The following LHFPL3 variants were observed in gnomAD, a reference collection of about 807,000 sequenced individuals.
LHFPL3 encodes LHFPL tetraspan subfamily member 3, also known as LHFPL tetraspan subfamily member 3 protein.
A neutral mutation model predicts 19.3 loss-of-function variants in LHFPL3; 5 were observed. The ratio of observed to expected loss-of-function variants is 0.26; its 90% CI spans 0.14 to 0.54. The LOEUF is 0.54. Among genes scored for constraint, LHFPL3 ranks in the 20% least tolerant of loss-of-function variants. LHFPL3 has a pLI of 0.94. For synonymous variants in LHFPL3, 133 were observed against 126.2 expected, an observed-to-expected ratio of 1.05 and a Z score of -0.36; for missense variants, 249 against 307.4, an observed-to-expected ratio of 0.81 and a Z score of 1.42.
intron 1 of LHFPL3, among the ~76,000 whole-genome samples, chr7:104,446,532 T>C (rs746525946): frequency 2.0e-5 from 3 of 152,142 alleles, no homozygotes; most frequent in Non-Finnish European, 2.9e-5. Flanking sequence ...TATTTTATGT[T>C]TCATAGATTT....
chr7:104,387,939 TC>T (rs1199017206), intron 1 of LHFPL3, among the ~76,000 whole-genome samples: 1 of 152,140 alleles, frequency 6.6e-6, no homozygotes, highest in Admixed American at 6.6e-5. Context: ...CTCCTCCTCC[TC>T]CCACCTTCCA....
At chr7:104,841,884 A>G (rs1436772523) in intron 2 of LHFPL3, among the ~76,000 whole-genome samples, 2 of 152,074 alleles carry the variant, frequency 1.3e-5, no homozygotes, top group African/African-American at 4.8e-5. Context: ...TCTCAGGGCA[A>G]ATAAGTTTCT....
At chr7:104,565,954 G>C (rs921779769) in intron 1 of LHFPL3, among the ~76,000 whole-genome samples, 1 of 151,998 alleles carries the variant, frequency 6.6e-6, no homozygotes, top group Non-Finnish European at 1.5e-5. Context: ...TAAGGCCCAC[G>C]GCCAGCCATT....
At chr7:104,686,071 A>G (rs1562965492) in intron 1 of LHFPL3, among the ~76,000 whole-genome samples, 1 of 152,262 alleles carries the variant, frequency 6.6e-6, no homozygotes, top group African/African-American at 2.4e-5. Context: ...TGAAAGAACT[A>G]TAAATAATCT....
intron 1 of LHFPL3, among the ~76,000 whole-genome samples, chr7:104,470,806 G>A (rs904333253): frequency 1.3e-5 from 2 of 152,078 alleles, no homozygotes; most frequent in Admixed American, 6.5e-5. Context: ...CTTTCTCTTC[G>A]CAATAGGTCC....
At chr7:104,555,248 A>T (rs1794741825) in intron 1 of LHFPL3, among the ~76,000 whole-genome samples, 1 of 152,262 alleles carries the variant, frequency 6.6e-6, no homozygotes, top group African/African-American at 2.4e-5. Flanking sequence ...ACAAAAGGTG[A>T]TTAGCCCTCA....
chr7:104,748,101 A>G (rs1432301413), intron 2 of LHFPL3, among the ~76,000 whole-genome samples: 2 of 151,680 alleles, frequency 1.3e-5, no homozygotes, highest in Non-Finnish European at 2.9e-5. Context: ...CTCAGAGTTG[A>G]ATGGATTAAG....
intron 2 of LHFPL3, among the ~76,000 whole-genome samples, chr7:104,775,523 A>T (rs1445616157): frequency 2.7e-5 from 4 of 150,910 alleles, no homozygotes; most frequent in South Asian, 2.1e-4. Flanking sequence ...GTTTGTACAA[A>T]TTTTTTTTTT....
intron 1 of LHFPL3, among the ~76,000 whole-genome samples, chr7:104,536,684 C>T (rs548952842): frequency 3.3e-5 from 5 of 152,186 alleles, no homozygotes; most frequent in Non-Finnish European, 7.3e-5. Flanking sequence ...TCAAGTTTTC[C>T]ATTTTAATTT....
intron 1 of LHFPL3, among the ~76,000 whole-genome samples, chr7:104,658,847 G>A (rs911300296): frequency 2.6e-5 from 4 of 152,190 alleles, no homozygotes; most frequent in African/African-American, 9.6e-5. Context: ...AGATTCAAAT[G>A]TGGGTATCCC....
intron 1 of LHFPL3, among the ~76,000 whole-genome samples, chr7:104,506,282 G>A (rs34642898): frequency 0.15 from 20,926 of 142,922 alleles, 1,571 homozygotes; most frequent in East Asian, 0.24. Context: ...ATACCTCAAA[G>A]TATACTAAGC....
chr7:104,891,522 G>T (rs959045509), intron 2 of LHFPL3, among the ~76,000 whole-genome samples: 1 of 152,150 alleles, frequency 6.6e-6, no homozygotes, highest in African/African-American at 2.4e-5. Flanking sequence ...AGGTCCCACT[G>T]TTAATACTAT....
intron 1 of LHFPL3, among the ~76,000 whole-genome samples, chr7:104,674,090 T>A (rs1313776810): frequency 4.7e-5 from 1 of 21,350 alleles, no homozygotes; most frequent in East Asian, 4.1e-4. Flanking sequence ...TGCTGCATGA[T>A]TTTTTTTTTT....
intron 1 of LHFPL3, among the ~76,000 whole-genome samples, chr7:104,553,692 T>G (rs1273663996): frequency 6.6e-6 from 1 of 152,198 alleles, no homozygotes; most frequent in Non-Finnish European, 1.5e-5. Context: ...TAAGGCAACT[T>G]ACAGATTAAA....
chr7:104,653,231 A>AGT, intron 1 of LHFPL3, among the ~76,000 whole-genome samples: 1 of 152,348 alleles, frequency 6.6e-6, no homozygotes, highest in East Asian at 1.9e-4. Context: ...GTTGAGGCCC[A>AGT]GTGGAGAAGA....
At chr7:104,669,130 C>A (rs4236572) in intron 1 of LHFPL3, 1,098,852 of 1,612,494 alleles carry the variant, frequency 0.68, 375,434 homozygotes, top group South Asian at 0.74. Flanking sequence ...AACTTCTAAA[C>A]CTCCCAAACC....
At chr7:104,689,976 C>G (rs1792878617) in intron 1 of LHFPL3, among the ~76,000 whole-genome samples, 1 of 152,020 alleles carries the variant, frequency 6.6e-6, no homozygotes, top group South Asian at 2.1e-4. Context: ...ATGGGAAAGG[C>G]CAAATGGATG....
intron 1 of LHFPL3, among the ~76,000 whole-genome samples, chr7:104,474,711 A>C (rs1446485512): frequency 6.6e-6 from 1 of 151,210 alleles, no homozygotes; most frequent in Non-Finnish European, 1.5e-5. Context: ...AAAAAAAAGA[A>C]AGGGTCTTGA....
At chr7:104,539,373 A>G (rs1260029262) in intron 1 of LHFPL3, among the ~76,000 whole-genome samples, 2 of 152,172 alleles carry the variant, frequency 1.3e-5, no homozygotes, top group African/African-American at 4.8e-5. Context: ...CCTATATAAA[A>G]ACAACTCCAA....
Sources: allele counts gnomAD v4.1 joint callset (sites outside exome capture counted in the v4.1 genomes callset), GRCh38; gene constraint gnomAD v4.1.1; transcripts MANE v1.5; gene names NCBI Gene and HGNC (gene_info 2026-07-23, HGNC 2026-07-21).